The following CSMD2 variants were observed in gnomAD, a reference collection of about 807,000 sequenced individuals.
CSMD2 encodes CUB and sushi domain-containing protein 2.
CSMD2 carries 130 observed loss-of-function variants against 398.5 expected under a neutral mutation model. The ratio of observed to expected loss-of-function variants is 0.33; its 90% confidence interval spans 0.28 to 0.38. The LOEUF (loss-of-function observed/expected upper bound fraction) is 0.38. CSMD2 is among the 10% of genes least tolerant of loss of function. The probability of loss-of-function intolerance (pLI) is 1.00; values close to 1 mark genes in which losing one functional copy is unlikely to be tolerated. For missense variants in CSMD2, 3,829 were observed against 4,764.9 expected, an observed-to-expected ratio of 0.80 and a Z score of 5.78; for synonymous variants, 1,828 against 1,908.5, an observed-to-expected ratio of 0.96 and a Z score of 1.10.
chr1:34,126,082 T>C (rs1205189856), intron 1 of CSMD2, among the ~76,000 whole-genome samples: 1 of 152,216 alleles, frequency 6.6e-6, no homozygotes, highest in Non-Finnish European at 1.5e-5. Context: ...CATGCCCTCA[T>C]CCAGACCCAC....
chr1:33,901,262 G>A (rs1180861853), intron 5 of CSMD2, among the ~76,000 whole-genome samples: 2 of 152,244 alleles, frequency 1.3e-5, no homozygotes, highest in African/African-American at 4.8e-5. Flanking sequence ...CAGGCGAGGT[G>A]AGCCAAGTGC....
At chr1:33,726,805 CATAAACT>C (rs1244086239) in intron 15 of CSMD2, 120 bp from the exon 16 acceptor site, 3 of 1,108,668 alleles carry the variant, frequency 2.7e-6, no homozygotes, top group Non-Finnish European at 2.5e-6. Context: ...TGGAAAATTA[CATAAACT>C]ATAAACTGTG....
intron 3 of CSMD2, among the ~76,000 whole-genome samples, chr1:33,992,457 TTCAGCACC>T (rs1048966683): frequency 3.3e-5 from 5 of 151,888 alleles, no homozygotes; most frequent in Non-Finnish European, 5.9e-5. Flanking sequence ...ATGCACCCAC[TTCAGCACC>T]TCAGCCTCCC....
intron 2 of CSMD2, among the ~76,000 whole-genome samples, chr1:34,078,024 T>C (rs974138943): frequency 5.3e-5 from 8 of 152,178 alleles, no homozygotes; most frequent in Non-Finnish European, 8.8e-5. Context: ...TTTCAGAGAC[T>C]AGGTTTTACT....
chr1:33,657,822 G>T, intron 27 of CSMD2, 124 bp downstream of exon 27: 1 of 944,456 alleles, frequency 1.1e-6, no homozygotes, highest in Non-Finnish European at 1.6e-6. Flanking sequence ...TGGGTTTTCT[G>T]CAACTTTTGT....
At chr1:33,960,389 A>G (rs1645315174) in intron 3 of CSMD2, among the ~76,000 whole-genome samples, 3 of 152,226 alleles carry the variant, frequency 2.0e-5, no homozygotes, top group Non-Finnish European at 2.9e-5. Context: ...ATTCGCTCAC[A>G]CAGACATTAT....
chr1:33,973,065 C>T (rs545341137), intron 3 of CSMD2, among the ~76,000 whole-genome samples: 13 of 152,330 alleles, frequency 8.5e-5, no homozygotes, highest in Admixed American at 5.9e-4. Context: ...CAAGACTCAG[C>T]TCCCAGCCAC....
At chr1:33,612,686 T>A (rs1421729679) in intron 40 of CSMD2, among the ~76,000 whole-genome samples, 1 of 151,238 alleles carries the variant, frequency 6.6e-6, no homozygotes, top group Admixed American at 6.6e-5. Context: ...GTGATGGTTT[T>A]TTTTTTTTTT....
chr1:33,825,630 G>A, intron 7 of CSMD2, 67 bp downstream of exon 7: 2 of 1,382,380 alleles, frequency 1.4e-6, no homozygotes, highest in East Asian at 2.3e-5. Flanking sequence ...CTTCCCCACG[G>A]TTTAGTGCCT....
intron 3 of CSMD2, among the ~76,000 whole-genome samples, chr1:34,024,933 G>A (rs1055735645): frequency 3.9e-5 from 6 of 152,174 alleles, no homozygotes; most frequent in South Asian, 2.1e-4. Context: ...GAATCAGCAG[G>A]TCTAATTACA....
intron 5 of CSMD2, among the ~76,000 whole-genome samples, chr1:33,889,251 G>A (rs539194158): frequency 6.6e-6 from 1 of 152,238 alleles, no homozygotes; most frequent in South Asian, 2.1e-4. Context: ...AACATGACCT[G>A]ATAGAAAAAT....
intron 45 of CSMD2, 94 bp from the exon 46 acceptor site, chr1:33,586,711 A>C (rs1170795689): frequency 3.9e-6 from 3 of 778,594 alleles, no homozygotes; most frequent in Admixed American, 3.9e-5. Context: ...GAGGCGGGTC[A>C]TGTTCTGTTC....
Position 33,739,211 on chromosome 1 carries a change from C to A in CSMD2, c.2297G>T (p.Gly766Val). Residue 766 changes from glycine to valine, a missense_variant, in exon 15 of 71, where the codon GGC (glycine) becomes GTC (valine). This residue lies in a region of CSMD2 where 2,001 missense variants were observed against 2,567.1 expected (regional missense o/e 0.78). Coordinates refer to ENST00000373381, the MANE Select transcript of CSMD2 (RefSeq NM_001281956.2). ...CAGGACGCAGGTGATGGTCTCTGAG[C>A]CCTGAGTCCCAAGGAAGCCTTCATC... ...LCDEGFLGTQ[G>V]SETITCVLKE... 3 of 1,614,190 alleles carry A rather than the reference C, an allele frequency of 1.9e-6. No homozygotes were observed. Among genetic ancestry groups the A allele is most frequent in the Non-Finnish European group, 2.5e-6 (3 of 1,180,030 alleles).
chr1:34,026,601 C>A (rs898012420), intron 3 of CSMD2, among the ~76,000 whole-genome samples: 2 of 152,202 alleles, frequency 1.3e-5, no homozygotes, highest in African/African-American at 4.8e-5. Context: ...GAGGTGCAAC[C>A]AGGATTAAGC....
chr1:33,873,760 A>T (rs1252335185), intron 5 of CSMD2: 1 of 152,254 alleles, frequency 6.6e-6, no homozygotes, highest in East Asian at 1.9e-4. Context: ...CTACGCTTAC[A>T]TTCCTAACAC....
intron 5 of CSMD2, among the ~76,000 whole-genome samples, chr1:33,876,550 A>G (rs965388053): frequency 2.6e-5 from 4 of 152,204 alleles, no homozygotes; most frequent in Middle Eastern, 3.2e-3. Context: ...AGTCCCTCGC[A>G]TGTATTTACT....
chr1:33,523,453 G>T, intron 66 of CSMD2, 34 bp from the exon 67 acceptor site: 1 of 990,592 alleles, frequency 1.0e-6, no homozygotes, highest in Non-Finnish European at 1.6e-6. Flanking sequence ...ACACATGAAA[G>T]ATATGGGAAA....
At chr1:33,861,904 G>A (rs1639544965) in intron 5 of CSMD2, among the ~76,000 whole-genome samples, 1 of 151,392 alleles carries the variant, frequency 6.6e-6, no homozygotes. Context: ...TGGGGATCCA[G>A]GAGAATAAAT....
At chr1:33,914,412 T>G (rs7538868) in intron 5 of CSMD2, among the ~76,000 whole-genome samples, 4,052 of 103,214 alleles carry the variant, frequency 0.039, 128 homozygotes, top group African/African-American at 0.094. Flanking sequence ...GTGTGTGTGT[T>G]TGTGTGTATG....
Sources: gnomAD v4.1 joint callset for allele counts (sites outside exome capture counted in the v4.1 genomes callset) on GRCh38, gnomAD v4.1.1 for gene constraint, gnomAD v4.1.1 regional missense constraint, MANE v1.5 for transcripts, NCBI Gene and HGNC (gene_info 2026-07-23, HGNC 2026-07-21) for gene names.